Variants in WDSUB1 observed in about 807,000 individuals in gnomAD.
The protein encoded by WDSUB1 is WD repeat, sterile alpha motif and U-box domain containing 1, also known as WD repeat, SAM and U-box domain-containing protein 1.
In WDSUB1, 49 loss-of-function variants were observed where a neutral mutation model predicts 53.9. The observed-to-expected ratio is 0.91, with a 90% CI of 0.72 to 1.15. The LOEUF (loss-of-function observed/expected upper bound fraction) is 1.15. WDSUB1 is among the 50% of genes most tolerant of loss of function. WDSUB1 has a pLI of 0.00. For missense variants in WDSUB1, 514 were observed against 562.0 expected, an observed-to-expected ratio of 0.91 and a Z score of 0.86; for synonymous variants, 194 against 200.6, an observed-to-expected ratio of 0.97 and a Z score of 0.28.
At position 159,259,841 on chromosome 2, in the gene WDSUB1, G is replaced by A; in HGVS notation, c.773C>T (p.Ser258Leu). ...SHDGQMLVSG[S>L]VDKSVIVYDT... ...ATATACTATGACAGACTTATCCACT[G>A]ACCTTAAAAGAAAATAAATTATAGG... is the stretch of plus-strand genomic sequence containing the variant. Residue 258 changes from serine to leucine, a missense_variant and splice_region_variant, in exon 6 of 11, where the codon TCA becomes TTA. Ser to Leu is a moderately radical substitution (Grantham distance 145). Coordinates refer to ENST00000359774, the MANE Select transcript of WDSUB1 (RefSeq NM_001128212.3). 1 of 1,518,962 alleles carries A rather than the reference G, an allele frequency of 6.6e-7. No homozygotes were observed. The highest frequency in any genetic ancestry group is 8.9e-7 in the Non-Finnish European group (1 of 1,117,338). The allele number at this position is 1,518,962 out of a possible 1,614,324, so 94.1% of individuals were successfully genotyped here. A position where few individuals can be genotyped will look rare whatever the true frequency, so the allele number is the denominator to read the frequency against.
intron 5 of WDSUB1, among the ~76,000 whole-genome samples, chr2:159,263,331 A>G (rs1451921274): frequency 1.3e-5 from 2 of 152,232 alleles, no homozygotes; most frequent in Non-Finnish European, 2.9e-5. Flanking sequence ...CTCATTTAGA[A>G]AGGATTTGCA....
chr2:159,265,293 C>CCACACACACACACACACACACACCA (rs1553457439), intron 5 of WDSUB1, among the ~76,000 whole-genome samples: 1 of 149,360 alleles, frequency 6.7e-6, no homozygotes, highest in Non-Finnish European at 1.5e-5. Flanking sequence ...AGCACACACA[C>CCACACACACACACACACACACACCA]CACACACACA....
chr2:159,267,147 A>G (rs1348344501), intron 5 of WDSUB1, among the ~76,000 whole-genome samples: 1 of 152,058 alleles, frequency 6.6e-6, no homozygotes, highest in Non-Finnish European at 1.5e-5. Context: ...AATGTTTATT[A>G]TACATTTTGA....
chr2:159,252,387 G>A (rs1208483701), intron 9 of WDSUB1, among the ~76,000 whole-genome samples: 3 of 152,094 alleles, frequency 2.0e-5, no homozygotes, highest in Admixed American at 6.6e-5. Context: ...TACAATATAC[G>A]TGAGTGAGGA....
chr2:159,256,743 A>G (rs550733482), intron 8 of WDSUB1, among the ~76,000 whole-genome samples: 16 of 152,328 alleles, frequency 1.1e-4, no homozygotes, highest in African/African-American at 3.8e-4. Context: ...CAGCACCACT[A>G]TTTAGATAAT....
chr2:159,258,079 G>A, intron 6 of WDSUB1, 94 bp from the exon 7 acceptor site: 1 of 1,059,328 alleles, frequency 9.4e-7, no homozygotes, highest in Non-Finnish European at 1.4e-6. Flanking sequence ...TATACTAAGT[G>A]GATATATTAA....
Position 159,238,016 on chromosome 2 carries a change from C to T in WDSUB1, c.1274-1826G>A, listed in dbSNP as rs190044157. Among the ~76,000 whole-genome samples, 920 of 152,262 alleles carry T rather than the reference C, an allele frequency of 6.0e-3. 8 individuals are homozygous for T. Among genetic ancestry groups the T allele is most frequent in the Middle Eastern group, 0.014 (4 of 294 alleles). On this transcript the variant is annotated intron_variant, in intron 10 of 10. Transcript: ENST00000359774. ...GCAATGTTTATGAGAATGCCTTTTT[C>T]CCCTACAGCCTAACCAACAGTATAT...
Position 159,279,742 on chromosome 2 carries a change from A to C in WDSUB1, c.583+19T>G, listed in dbSNP as rs6707074. Reference sequence around the variant, plus strand: ...TACAAATAGGAATTTCTAGTGCTTAAAAGAATAAAATAACCAACCAGAAAC... The same window carrying C: ...TACAAATAGGAATTTCTAGTGCTTACAAGAATAAAATAACCAACCAGAAAC... On this transcript the variant is annotated intron_variant, in intron 3 of 10. Coordinates refer to ENST00000359774, the MANE Select transcript of WDSUB1 (RefSeq NM_001128212.3). 7.3e-3 allele frequency: 11,518 copies of C among 1,586,540 alleles called. 767 individuals carry two copies. In the African/African-American group the frequency reaches 0.14, roughly 19 times the overall value.
chr2:159,283,914 A>C (rs112807056), intron 1 of WDSUB1, among the ~76,000 whole-genome samples: 1,557 of 152,300 alleles, frequency 0.01, 29 homozygotes, highest in African/African-American at 0.035. Flanking sequence ...TCGCGGGTTC[A>C]AGTGATTCTC....
chr2:159,251,325 A>G (rs2060947934), intron 9 of WDSUB1, among the ~76,000 whole-genome samples: 1 of 152,020 alleles, frequency 6.6e-6, no homozygotes, highest in African/African-American at 2.4e-5. Flanking sequence ...TAAAAAGTAT[A>G]TTTTCCTGTC....
chr2:159,257,520 G>C (rs1405855590), intron 8 of WDSUB1, among the ~76,000 whole-genome samples: 2 of 151,940 alleles, frequency 1.3e-5, no homozygotes, highest in Admixed American at 6.6e-5. Context: ...CCGAGTAGCG[G>C]GGATTATAAG....
intron 10 of WDSUB1, 40 bp downstream of exon 10, chr2:159,248,332 A>C: frequency 6.3e-7 from 1 of 1,596,004 alleles, no homozygotes; most frequent in Non-Finnish European, 8.5e-7. Flanking sequence ...TTCATTTAGC[A>C]CAAAACATCC....
chr2:159,242,993 G>A (rs550559694), intron 10 of WDSUB1, among the ~76,000 whole-genome samples: 1 of 148,090 alleles, frequency 6.8e-6, no homozygotes, highest in South Asian at 2.1e-4. Flanking sequence ...GAAAAGGAAA[G>A]TAGAAGAGAA....
At chr2:159,261,916 T>A (rs2061236695) in intron 5 of WDSUB1, among the ~76,000 whole-genome samples, 5 of 95,762 alleles carry the variant, frequency 5.2e-5, no homozygotes, top group Non-Finnish European at 9.0e-5. Context: ...TTTTTTTTTT[T>A]TTTTTTTTTT....
chr2:159,239,465 A>G (rs957973869), intron 10 of WDSUB1, among the ~76,000 whole-genome samples: 10 of 152,136 alleles, frequency 6.6e-5, no homozygotes, highest in African/African-American at 2.4e-4. Context: ...CTACATATAC[A>G]GTTATATAGA....
chr2:159,271,680 A>G (rs367673497), intron 5 of WDSUB1, 22 bp downstream of exon 5: 9 of 1,601,104 alleles, frequency 5.6e-6, no homozygotes, highest in Non-Finnish European at 6.8e-6. Context: ...ATGGTTTAGG[A>G]AAATTAAACC....
chr2:159,270,760 A>G (rs991667050), intron 5 of WDSUB1, among the ~76,000 whole-genome samples: 1 of 152,220 alleles, frequency 6.6e-6, no homozygotes, highest in Non-Finnish European at 1.5e-5. Flanking sequence ...TGACTACACT[A>G]AAATTATAAA....
chr2:159,276,120 G>C (rs1056031649), intron 3 of WDSUB1, among the ~76,000 whole-genome samples: 1 of 150,852 alleles, frequency 6.6e-6, no homozygotes, highest in South Asian at 2.1e-4. Flanking sequence ...GTGCAGTGGT[G>C]CGATCTTGGC....
chr2:159,250,842 G>A (rs1266660239), intron 9 of WDSUB1, among the ~76,000 whole-genome samples: 1 of 152,108 alleles, frequency 6.6e-6, no homozygotes, highest in Non-Finnish European at 1.5e-5. Context: ...TGTCGTGACT[G>A]GGGTATGCTT....
Sources: gnomAD v4.1 joint callset for allele counts (sites outside exome capture counted in the v4.1 genomes callset) on GRCh38, gnomAD v4.1.1 for gene constraint, MANE v1.5 for transcripts, NCBI Gene and HGNC (gene_info 2026-07-23, HGNC 2026-07-21) for gene names.